IQSEC1: variants seen among roughly 807,000 people sequenced by gnomAD.
The protein encoded by IQSEC1 is IQ motif and SEC7 domain-containing protein 1.
Under a neutral mutation model 91.0 loss-of-function variants are expected in IQSEC1, and 31 were observed. The observed-to-expected ratio is 0.34, with a 90% CI of 0.26 to 0.46. IQSEC1 has a LOEUF of 0.46. IQSEC1 is among the 20% of genes least tolerant of loss of function. The pLI, the probability that IQSEC1 is intolerant of heterozygous loss-of-function variation, is 1.00. For missense variants in IQSEC1, 1,388 were observed against 1,575.6 expected, an observed-to-expected ratio of 0.88 and a Z score of 2.02; for synonymous variants, 699 against 662.6, an observed-to-expected ratio of 1.05 and a Z score of -0.84.
At chr3:12,962,785 G>C (rs576496665) in intron 1 of IQSEC1, among the ~76,000 whole-genome samples, 3 of 152,354 alleles carry the variant, frequency 2.0e-5, no homozygotes, top group African/African-American at 7.2e-5. Flanking sequence ...TCCTGCCGGA[G>C]AGTCTGGGGA....
intron 2 of IQSEC1, among the ~76,000 whole-genome samples, chr3:13,087,748 C>T (rs1296311022): frequency 6.6e-6 from 1 of 152,156 alleles, no homozygotes; most frequent in Non-Finnish European, 1.5e-5. Context: ...AGACTTATTG[C>T]TCAGTTCTGG....
At position 13,203,049 on chromosome 3, in the gene IQSEC1, G is replaced by A. The variant is rs187230779; in HGVS notation, c.273-38916C>T. 8.5e-4 allele frequency among the ~76,000 whole-genome samples: 129 copies of A among 152,254 alleles called. 1 individual carries two copies. The highest frequency in any genetic ancestry group is 2.7e-3 in the African/African-American group (112 of 41,550). ...TCCACATAGTGCGTCACCCAGCTCCGCTGCTCTCTTGGCTGACTCTTTGAG... is the reference window on the plus strand; with the variant it reads ...TCCACATAGTGCGTCACCCAGCTCCACTGCTCTCTTGGCTGACTCTTTGAG... On this transcript the variant is annotated intron_variant, in intron 1 of 15. Coordinates refer to the IQSEC1 transcript ENST00000648114.
chr3:13,139,518 C>A (rs1576267982), intron 2 of IQSEC1, among the ~76,000 whole-genome samples: 2 of 152,214 alleles, frequency 1.3e-5, no homozygotes, highest in East Asian at 1.9e-4. Context: ...AACAGTAGTA[C>A]CTGCAGGTCT....
chr3:13,062,969 T>C (rs1705117779), intron 1 of IQSEC1, among the ~76,000 whole-genome samples: 1 of 152,146 alleles, frequency 6.6e-6, no homozygotes, highest in South Asian at 2.1e-4. Context: ...CCTTCGGAGG[T>C]CGGGCCAGTG....
At chr3:13,136,503 C>G (rs919344055) in intron 2 of IQSEC1, among the ~76,000 whole-genome samples, 1 of 152,148 alleles carries the variant, frequency 6.6e-6, no homozygotes, top group South Asian at 2.1e-4. Context: ...ACAAACCACA[C>G]CCAGCAAGGA....
At chr3:13,208,452 C>T (rs558005582) in intron 1 of IQSEC1, among the ~76,000 whole-genome samples, 1 of 152,154 alleles carries the variant, frequency 6.6e-6, no homozygotes, top group Non-Finnish European at 1.5e-5. Context: ...CCCTCGTCCA[C>T]CTGGTGAACT....
intron 1 of IQSEC1, among the ~76,000 whole-genome samples, chr3:13,229,544 A>G (rs988542222): frequency 2.0e-5 from 3 of 152,224 alleles, no homozygotes; most frequent in Admixed American, 6.5e-5. Flanking sequence ...CGAGTGCATT[A>G]CAGACAAATG....
intron 1 of IQSEC1, among the ~76,000 whole-genome samples, chr3:13,256,204 G>T (rs1394448192): frequency 6.6e-6 from 1 of 152,186 alleles, no homozygotes; most frequent in African/African-American, 2.4e-5. Flanking sequence ...GACGGATAGT[G>T]GTGACGGTGA....
intron 1 of IQSEC1, among the ~76,000 whole-genome samples, chr3:13,225,146 G>A (rs1229314526): frequency 2.0e-5 from 3 of 152,218 alleles, no homozygotes; most frequent in African/African-American, 7.2e-5. Flanking sequence ...CATGACCTTT[G>A]GTCAACACCT....
At chr3:12,903,106 G>A (rs1383354096) in intron 12 of IQSEC1, among the ~76,000 whole-genome samples, 4 of 152,248 alleles carry the variant, frequency 2.6e-5, no homozygotes, top group Non-Finnish European at 5.9e-5. Flanking sequence ...TGGACCAGGA[G>A]TCTGTTGAGA....
chr3:13,135,026 G>T (rs1264775696), intron 2 of IQSEC1, among the ~76,000 whole-genome samples: 1 of 152,222 alleles, frequency 6.6e-6, no homozygotes, highest in East Asian at 1.9e-4. Flanking sequence ...GTCAGGGTCA[G>T]AAGGAACTGC....
At chr3:13,149,250 C>G (rs760821691) in intron 2 of IQSEC1, among the ~76,000 whole-genome samples, 5 of 152,178 alleles carry the variant, frequency 3.3e-5, no homozygotes, top group Non-Finnish European at 5.9e-5. Flanking sequence ...ACAGTGGGAA[C>G]CTCAGATTCC....
chr3:12,983,096 C>A lies in IQSEC1; in HGVS notation c.24-41231G>T, dbSNP rs1029522693. Among the ~76,000 whole-genome samples, 19 of 152,124 alleles carry A rather than the reference C, an allele frequency of 1.2e-4. No homozygotes were observed. In the East Asian group the frequency reaches 3.7e-3, roughly 29 times the overall value. On this transcript the variant is annotated intron_variant, in intron 1 of 13. Transcript: ENST00000613206. This position sits in a 1 kb window ranked among gnomAD's most constrained non-coding sequence, Gnocchi z 4.3. ...TGGGGGCTCCTGAGGGCCTTCCCCA[C>A]TGTAACTCACTTGCACCTGCCCCTC...
chr3:13,245,184 G>A (rs937714081), intron 1 of IQSEC1, among the ~76,000 whole-genome samples: 1 of 152,148 alleles, frequency 6.6e-6, no homozygotes, highest in African/African-American at 2.4e-5. Flanking sequence ...CTCAGCAAGG[G>A]GCTGGCTGGA....
intron 1 of IQSEC1, chr3:13,022,321 C>T (rs360849): frequency 0.19 from 232,937 of 1,201,208 alleles, 23,770 homozygotes; most frequent in African/African-American, 0.26. Flanking sequence ...CACTATCCAC[C>T]GGCCAGCCTC....
chr3:13,185,485 G>A (rs963526807), intron 1 of IQSEC1, among the ~76,000 whole-genome samples: 2 of 152,188 alleles, frequency 1.3e-5, no homozygotes, highest in African/African-American at 4.8e-5. Flanking sequence ...CTGGGACTGC[G>A]CCTGCTATAT....
intron 1 of IQSEC1, among the ~76,000 whole-genome samples, chr3:12,942,173 T>C (rs1363489159): frequency 6.6e-6 from 1 of 152,218 alleles, no homozygotes; most frequent in Non-Finnish European, 1.5e-5. Context: ...GACAGCAGTT[T>C]TGGCCACTGG....
rs1010118204 is a variant in IQSEC1, at chr3:13,235,662, C to T, written c.272+47049G>A. 1.6e-4 allele frequency among the ~76,000 whole-genome samples: 25 copies of T among 152,248 alleles called. 1 individual carries two copies. The highest frequency in any genetic ancestry group is 4.3e-4 in the African/African-American group (18 of 41,540). On this transcript the variant is annotated intron_variant, in intron 1 of 15. Transcript: ENST00000648114. ...CATTGCTCTGGGACCCCAGGTGGCC[C>T]GGGCGGAGGAAGAACAAGATCCTTG...
chr3:13,069,052 G>A (rs1705327594), intron 1 of IQSEC1, among the ~76,000 whole-genome samples: 1 of 152,350 alleles, frequency 6.6e-6, no homozygotes. Context: ...CAGTCTTTCT[G>A]AGTTATAACC....
Sources: gnomAD v4.1 joint callset for allele counts (sites outside exome capture counted in the v4.1 genomes callset) on GRCh38, gnomAD v4.1.1 for gene constraint, Gnocchi (gnomAD v3.1) non-coding constraint, MANE v1.5 for transcripts, NCBI Gene and HGNC (gene_info 2026-07-23, HGNC 2026-07-21) for gene names.